Variants in PRMT3 observed in about 807,000 individuals in gnomAD.
PRMT3 encodes protein arginine methyltransferase 3.
In PRMT3, 62 loss-of-function variants were observed where a neutral mutation model predicts 71.9. That is an observed-to-expected ratio of 0.86 (90% CI 0.70 to 1.07). The LOEUF is 1.07. Among genes scored for constraint, PRMT3 ranks in the 50% least tolerant of loss-of-function variants. The probability of loss-of-function intolerance (pLI) is 0.00; values close to 1 mark genes in which losing one functional copy is unlikely to be tolerated. For synonymous variants in PRMT3, 213 were observed against 220.4 expected, an observed-to-expected ratio of 0.97 and a Z score of 0.30; for missense variants, 663 against 643.0, an observed-to-expected ratio of 1.03 and a Z score of -0.34.
In PRMT3 at chr11:20,447,458, A is replaced by G. The variant is rs78309782; in HGVS notation, c.994-4672A>G. ...GGCCCAAAATGTCATTAGTGTCAAT[A>G]TCGAGAAACCCTGCTTTAGAATGAT... is the stretch of plus-strand genomic sequence containing the variant. On this transcript the variant is annotated intron_variant, in intron 10 of 15. Coordinates refer to ENST00000331079, the MANE Select transcript of PRMT3 (RefSeq NM_005788.4). Among the ~76,000 whole-genome samples the G allele has an allele frequency of 2.1e-4, 32 of 152,236 alleles. No individual in the cohort carries two copies. In the East Asian group the frequency reaches 6.2e-3, roughly 29 times the overall value.
chr11:20,428,442 G>A (rs1849591330), intron 10 of PRMT3, among the ~76,000 whole-genome samples: 1 of 152,184 alleles, frequency 6.6e-6, no homozygotes, highest in Admixed American at 6.5e-5. Context: ...TAACTAATGG[G>A]ATAGTTCTTG....
chr11:20,406,669 T>C (rs1215265483), intron 8 of PRMT3: 2 of 152,204 alleles, frequency 1.3e-5, no homozygotes, highest in African/African-American at 4.8e-5. Context: ...TACCCAGAAA[T>C]GAAATTGCTG....
intron 15 of PRMT3, among the ~76,000 whole-genome samples, chr11:20,498,623 G>A (rs1159362823): frequency 6.6e-6 from 1 of 152,060 alleles, no homozygotes; most frequent in African/African-American, 2.4e-5. Context: ...CCGGCTATTC[G>A]GGAGGCCGAG....
At chr11:20,467,206 CATT>C (rs1850533542) in intron 13 of PRMT3, among the ~76,000 whole-genome samples, 1 of 152,160 alleles carries the variant, frequency 6.6e-6, no homozygotes, top group Admixed American at 6.6e-5. Context: ...ACTCTTCTGA[CATT>C]ATCCTTTAAA....
chr11:20,402,575 G>A (rs1848973474), intron 7 of PRMT3, among the ~76,000 whole-genome samples: 1 of 152,106 alleles, frequency 6.6e-6, no homozygotes, highest in African/African-American at 2.4e-5. Context: ...GAATCAGGCT[G>A]TAGTTTCCAG....
chr11:20,475,620 A>C (rs1407414505), intron 13 of PRMT3, among the ~76,000 whole-genome samples: 1 of 150,986 alleles, frequency 6.6e-6, no homozygotes, highest in African/African-American at 2.4e-5. Context: ...AACTTCATAA[A>C]TTTGAATAGT....
At chr11:20,508,255 C>T (rs1851641564) in intron 15 of PRMT3, 49 bp from the exon 16 acceptor site, 3 of 1,087,792 alleles carry the variant, frequency 2.8e-6, no homozygotes, top group Non-Finnish European at 4.2e-6. Context: ...TACTTTTCTG[C>T]TACACTGTAT....
intron 15 of PRMT3, among the ~76,000 whole-genome samples, chr11:20,506,992 T>C (rs1851605743): frequency 6.6e-6 from 1 of 152,226 alleles, no homozygotes. Context: ...TGTTTCCCTT[T>C]TACAGCACCA....
At chr11:20,454,421 G>A (rs1383622551) in intron 11 of PRMT3, among the ~76,000 whole-genome samples, 1 of 152,144 alleles carries the variant, frequency 6.6e-6, no homozygotes, top group Non-Finnish European at 1.5e-5. Flanking sequence ...CTTATCATCA[G>A]AGGGATAAAG....
chr11:20,424,132 C>T (rs1353208533), intron 9 of PRMT3, among the ~76,000 whole-genome samples: 5 of 149,548 alleles, frequency 3.3e-5, no homozygotes, highest in South Asian at 2.1e-4. Context: ...TACAGTGAGC[C>T]GAGATCGCGC....
At chr11:20,483,244 T>C (rs1455397530) in intron 13 of PRMT3, among the ~76,000 whole-genome samples, 1 of 152,174 alleles carries the variant, frequency 6.6e-6, no homozygotes, top group African/African-American at 2.4e-5. Context: ...CTAATTTTTT[T>C]ATGCTGCGTT....
At chr11:20,436,355 C>T (rs999351911) in intron 10 of PRMT3, among the ~76,000 whole-genome samples, 1 of 152,194 alleles carries the variant, frequency 6.6e-6, no homozygotes, top group African/African-American at 2.4e-5. Flanking sequence ...TGGACATCCT[C>T]ATCTTATTCC....
rs1045931839 is a variant in PRMT3, at chr11:20,465,330, A to G, written c.1347+784A>G. Among the ~76,000 whole-genome samples the G allele has an allele frequency of 1.1e-4, 17 of 152,002 alleles. 1 individual carries two copies. Among genetic ancestry groups the G allele is most frequent in the Admixed American group, 2.6e-4 (4 of 15,264 alleles). ...GTTCATAAAATCTGCTCCTTATAGT[A>G]TGAGTTTATATAGGTGGTATTAACA... is the stretch of plus-strand genomic sequence containing the variant. On this transcript the variant is annotated intron_variant, in intron 13 of 15. Coordinates refer to ENST00000331079, the MANE Select transcript of PRMT3 (RefSeq NM_005788.4).
chr11:20,464,392 T>G (rs865981336), intron 12 of PRMT3, 68 bp from the exon 13 acceptor site: 2 of 1,512,042 alleles, frequency 1.3e-6, no homozygotes, highest in Middle Eastern at 1.8e-4. Context: ...TGTTTTTGTT[T>G]TATTTTTTGT....
intron 13 of PRMT3, among the ~76,000 whole-genome samples, chr11:20,485,052 A>G (rs762418154): frequency 6.6e-6 from 1 of 152,190 alleles, no homozygotes; most frequent in Non-Finnish European, 1.5e-5. Flanking sequence ...GGACCCTAAT[A>G]GTTTTGCAGG....
intron 7 of PRMT3, 59 bp from the exon 8 acceptor site, chr11:20,402,860 A>T: frequency 1.4e-6 from 2 of 1,381,658 alleles, no homozygotes; most frequent in Non-Finnish European, 2.0e-6. Context: ...TATCTCCCTT[A>T]AAAAATTTAT....
At chr11:20,471,762 A>G (rs920886653) in intron 13 of PRMT3, among the ~76,000 whole-genome samples, 1 of 152,216 alleles carries the variant, frequency 6.6e-6, no homozygotes. Context: ...TTTAATGGGA[A>G]TAGCATTGAA....
At chr11:20,448,090 G>A (rs556328669) in intron 10 of PRMT3, among the ~76,000 whole-genome samples, 1 of 152,180 alleles carries the variant, frequency 6.6e-6, no homozygotes, top group South Asian at 2.1e-4. Context: ...AGCCCGAGTA[G>A]GAGGGTGGAA....
chr11:20,483,632 G>A (rs1288715190), intron 13 of PRMT3, among the ~76,000 whole-genome samples: 2 of 151,710 alleles, frequency 1.3e-5, no homozygotes, highest in African/African-American at 4.8e-5. Flanking sequence ...GGGCTTCTGT[G>A]CTAGGCACTA....
Sources: allele counts gnomAD v4.1 joint callset (sites outside exome capture counted in the v4.1 genomes callset), GRCh38; gene constraint gnomAD v4.1.1; transcripts MANE v1.5; gene names NCBI Gene and HGNC (gene_info 2026-07-23, HGNC 2026-07-21).